CPE: variants seen among roughly 807,000 people sequenced by gnomAD.
The protein encoded by CPE is carboxypeptidase E.
Under a neutral mutation model 53.5 loss-of-function variants are expected in CPE, and 17 were observed. The observed-to-expected ratio is 0.32, with a 90% CI of 0.22 to 0.48. CPE has a LOEUF of 0.48. Among genes scored for constraint, CPE ranks in the 20% least tolerant of loss-of-function variants. The pLI is 0.99. For synonymous variants in CPE, 226 were observed against 228.8 expected, an observed-to-expected ratio of 0.99 and a Z score of 0.11; for missense variants, 524 against 614.7, an observed-to-expected ratio of 0.85 and a Z score of 1.56.
intron 3 of CPE, among the ~76,000 whole-genome samples, chr4:165,469,964 C>T (rs897059156): frequency 1.3e-5 from 2 of 152,118 alleles, no homozygotes; most frequent in Non-Finnish European, 2.9e-5. Flanking sequence ...AACTCTCCTG[C>T]CTATATATGG....
At chr4:165,384,607 C>A (rs546647320) in intron 1 of CPE, among the ~76,000 whole-genome samples, 33 of 152,266 alleles carry the variant, frequency 2.2e-4, no homozygotes, top group African/African-American at 7.9e-4. Flanking sequence ...CAGAGCGAGA[C>A]CCTATCTCAG....
intron 1 of CPE, among the ~76,000 whole-genome samples, chr4:165,437,727 A>AGCAG (rs1731533955): frequency 1.3e-5 from 2 of 151,832 alleles, no homozygotes; most frequent in Non-Finnish European, 2.9e-5. Context: ...TCTGGGAGCA[A>AGCAG]TCTGGGAGCA....
Position 165,497,688 on chromosome 4 carries a change from TGC to T in CPE, c.*79_*80del. Reference sequence around the variant, plus strand: ...AATGTGGTCTTTTTTTTAGATTTTGTGCAGTTAATACTTAACATTGATTTATT... The same window carrying T: ...AATGTGGTCTTTTTTTTAGATTTTGTAGTTAATACTTAACATTGATTTATT... On this transcript the variant is annotated 3_prime_UTR_variant, in exon 9 of 9. Transcript: ENST00000402744. 1.5e-6 allele frequency: 1 copy of T among 666,426 alleles called. No individual in the cohort carries two copies. The highest frequency in any genetic ancestry group is 2.3e-6 in the Non-Finnish European group (1 of 441,430). The allele number at this position is 666,426 out of a possible 1,614,324, so 41.3% of individuals were successfully genotyped here. A position where few individuals can be genotyped will look rare whatever the true frequency, so the allele number is the denominator to read the frequency against.
chr4:165,392,509 TATATA>T (rs913351495), intron 1 of CPE, among the ~76,000 whole-genome samples: 25 of 144,546 alleles, frequency 1.7e-4, no homozygotes, highest in African/African-American at 4.6e-4. Context: ...ATATATTAAA[TATATA>T]ATATATGTAT....
At chr4:165,492,150 A>C (rs953932888) in intron 6 of CPE, among the ~76,000 whole-genome samples, 3 of 152,192 alleles carry the variant, frequency 2.0e-5, no homozygotes, top group African/African-American at 7.2e-5. Flanking sequence ...GATGACTACA[A>C]CTTAATTTAG....
At chr4:165,427,640 T>C (rs1034529401) in intron 1 of CPE, among the ~76,000 whole-genome samples, 4 of 152,260 alleles carry the variant, frequency 2.6e-5, no homozygotes, top group Admixed American at 2.0e-4. Context: ...AAGGAGATTG[T>C]CTTCCATAGC....
chr4:165,438,101 G>T (rs1455347594), intron 1 of CPE, among the ~76,000 whole-genome samples: 1 of 152,238 alleles, frequency 6.6e-6, no homozygotes, highest in East Asian at 1.9e-4. Context: ...AAGGATATCT[G>T]TGGATGAATA....
chr4:165,407,807 C>T lies in CPE; in HGVS notation c.307+28279C>T, dbSNP rs375353402. 3.9e-3 allele frequency among the ~76,000 whole-genome samples: 594 copies of T among 151,776 alleles called. 8 individuals carry two copies. Among genetic ancestry groups the T allele is most frequent in the African/African-American group, 0.013 (537 of 41,396 alleles). On this transcript the variant is annotated intron_variant, in intron 1 of 8. Transcript: ENST00000402744. ...CTGACCTCAGGTGATCTGCCTGCCT[C>T]GGCCTCCCAAAATGTTGGGATTATA...
At chr4:165,477,442 C>A (rs1732323774) in intron 3 of CPE, among the ~76,000 whole-genome samples, 3 of 152,196 alleles carry the variant, frequency 2.0e-5, no homozygotes, top group Admixed American at 2.0e-4. Context: ...ACTTCATAAT[C>A]ATGGGGTGAT....
At chr4:165,440,172 G>A (rs549687350) in intron 1 of CPE, among the ~76,000 whole-genome samples, 24 of 152,022 alleles carry the variant, frequency 1.6e-4, no homozygotes, top group Non-Finnish European at 2.4e-4. Flanking sequence ...CCAACATGCC[G>A]CTCCTGCTGT....
intron 1 of CPE, among the ~76,000 whole-genome samples, chr4:165,390,529 A>G (rs776131748): frequency 9.9e-5 from 15 of 152,206 alleles, no homozygotes; most frequent in Admixed American, 2.0e-4. Context: ...GTGTTAATGC[A>G]TAGGAAGAAT....
At chr4:165,445,612 A>G (rs7663945) in intron 1 of CPE, among the ~76,000 whole-genome samples, 37,638 of 152,082 alleles carry the variant, frequency 0.25, 5,101 homozygotes, top group African/African-American at 0.36. Flanking sequence ...TGCAACTCCC[A>G]CATGAAGAAA....
chr4:165,466,678 A>G (rs1248618593), intron 2 of CPE, among the ~76,000 whole-genome samples: 1 of 151,936 alleles, frequency 6.6e-6, no homozygotes, highest in African/African-American at 2.4e-5. Context: ...CATCATGCCC[A>G]GCTAATTTTT....
intron 1 of CPE, among the ~76,000 whole-genome samples, chr4:165,412,812 T>C (rs1482047263): frequency 6.6e-6 from 1 of 152,244 alleles, no homozygotes; most frequent in Non-Finnish European, 1.5e-5. Flanking sequence ...AGTCATCATC[T>C]TCACCTCTTC....
intron 1 of CPE, among the ~76,000 whole-genome samples, chr4:165,421,916 A>G (rs2126674020): frequency 6.6e-6 from 1 of 152,248 alleles, no homozygotes; most frequent in East Asian, 1.9e-4. Flanking sequence ...TTTTTAAAAT[A>G]GTTTTGTAAG....
At chr4:165,432,819 C>T (rs1011392071) in intron 1 of CPE, among the ~76,000 whole-genome samples, 1 of 152,130 alleles carries the variant, frequency 6.6e-6, no homozygotes, top group Admixed American at 6.5e-5. Context: ...GCTGCTCCTA[C>T]CAGAGACCTG....
chr4:165,433,933 G>A (rs536539484), intron 1 of CPE, among the ~76,000 whole-genome samples: 3 of 151,982 alleles, frequency 2.0e-5, no homozygotes, highest in Admixed American at 6.6e-5. Context: ...GCTTTCTTTC[G>A]TTCAGATCCT....
At chr4:165,446,743 G>A (rs1443400245) in intron 1 of CPE, among the ~76,000 whole-genome samples, 1 of 152,214 alleles carries the variant, frequency 6.6e-6, no homozygotes, top group Admixed American at 6.5e-5. Context: ...GAAGGGGGGT[G>A]TGAATTGCTA....
chr4:165,396,898 A>AG (rs1476433409), intron 1 of CPE, among the ~76,000 whole-genome samples: 2 of 150,894 alleles, frequency 1.3e-5, no homozygotes, highest in Admixed American at 6.6e-5. Context: ...AAAAAAAAAA[A>AG]AAATTACAAA....
Sources: allele counts gnomAD v4.1 joint callset (sites outside exome capture counted in the v4.1 genomes callset), GRCh38; gene constraint gnomAD v4.1.1; transcripts MANE v1.5; gene names NCBI Gene and HGNC (gene_info 2026-07-23, HGNC 2026-07-21).